ACSM6: variants seen among roughly 807,000 people sequenced by gnomAD.
The protein encoded by ACSM6 is acyl-CoA synthetase medium chain family member 6, also known as acyl-coenzyme A synthetase ACSM6, mitochondrial.
Under a neutral mutation model 51.1 loss-of-function variants are expected in ACSM6, and 35 were observed. The ratio of observed to expected loss-of-function variants is 0.69; its 90% CI spans 0.52 to 0.91. ACSM6 has a LOEUF of 0.91. ACSM6 is among the 40% of genes least tolerant of loss of function. The pLI is 0.00. For synonymous variants in ACSM6, 172 were observed against 207.3 expected (o/e 0.83, Z 1.46); for missense variants, 509 against 584.1 (o/e 0.87, Z 1.32).
intron 2 of ACSM6, among the ~76,000 whole-genome samples, chr10:95,198,138 A>G (rs1473494579): frequency 6.6e-6 from 1 of 152,202 alleles, no homozygotes; most frequent in East Asian, 1.9e-4. Flanking sequence ...TCTAAAGTAC[A>G]GGTCTTTTCC....
intron 2 of ACSM6, among the ~76,000 whole-genome samples, chr10:95,195,629 G>A (rs1003836761): frequency 1.3e-5 from 2 of 152,140 alleles, no homozygotes; most frequent in African/African-American, 2.4e-5. Context: ...CAGTGCGTGT[G>A]GAGAGTGAGC....
In ACSM6 at chr10:95,207,239, G is replaced by C. The variant is rs1004771107; in HGVS notation, c.435G>C (p.Leu145=). 3.1e-6 allele frequency: 5 copies of C among 1,613,990 alleles called. No individual in the cohort carries two copies. In the African/African-American group the frequency reaches 6.7e-5, roughly 22 times the overall value. ...CCTTTGTGCCTGGGAGCCCCCAGCTGACTGCCAAGAAAATTCGCTATCAAT... is the reference window on the plus strand; with the variant it reads ...CCTTTGTGCCTGGGAGCCCCCAGCTCACTGCCAAGAAAATTCGCTATCAAT... Residue 145 remains leucine, a synonymous_variant, in exon 4 of 11, where the codon CTG becomes CTC. Coordinates refer to ENST00000341686, the Ensembl canonical transcript of ACSM6.
intron 5 of ACSM6, among the ~76,000 whole-genome samples, chr10:95,211,023 A>C (rs1235093186): frequency 6.6e-6 from 1 of 152,200 alleles, no homozygotes; most frequent in Non-Finnish European, 1.5e-5. Flanking sequence ...GATTCCATGC[A>C]GTAGGTGAGG....
intron 9 of ACSM6, among the ~76,000 whole-genome samples, chr10:95,220,310 C>A (rs763568618): frequency 6.6e-6 from 1 of 152,118 alleles, no homozygotes; most frequent in South Asian, 2.1e-4. Flanking sequence ...CCATAATAAG[C>A]ATTCTGTACT....
intron 3 of ACSM6, among the ~76,000 whole-genome samples, chr10:95,203,857 T>TAAA (rs34969526): frequency 6.6e-5 from 7 of 106,854 alleles, no homozygotes; most frequent in East Asian, 2.6e-4. Context: ...ATGCTAGATT[T>TAAA]AAAAAAAAAA....
chr10:95,211,466 C>T (rs930219454), intron 5 of ACSM6, among the ~76,000 whole-genome samples: 2 of 152,200 alleles, frequency 1.3e-5, no homozygotes, highest in African/African-American at 4.8e-5. Flanking sequence ...GGTCCCTTAG[C>T]GGAAATAGGT....
At chr10:95,212,185 G>T in intron 6 of ACSM6, 151 bp downstream of exon 6, 1 of 944,792 alleles carries the variant, frequency 1.1e-6, no homozygotes. Flanking sequence ...GCTTGTGAGA[G>T]CAATGCTCTC....
intron 5 of ACSM6, among the ~76,000 whole-genome samples, 159 bp downstream of exon 5, chr10:95,210,952 A>G (rs1384740208): frequency 6.6e-6 from 1 of 152,218 alleles, no homozygotes. Flanking sequence ...AAAAGATGAA[A>G]AGCAAATTAC....
At position 95,205,273 on chromosome 10, in the gene ACSM6, G is replaced by T. The variant is rs139830175; in HGVS notation, c.404-1935G>T. 6.6e-3 allele frequency among the ~76,000 whole-genome samples: 1,002 copies of T among 151,960 alleles called. 7 individuals carry two copies. Among genetic ancestry groups the T allele is most frequent in the African/African-American group, 0.023 (958 of 41,420 alleles). On this transcript the variant is annotated intron_variant, in intron 3 of 10. Transcript: ENST00000341686. ...ATTTGAACACTGCCTTAGTCTGCTTGGGTTACTATAGCAAAATGCTATCAA... is the reference window on the plus strand; with the variant it reads ...ATTTGAACACTGCCTTAGTCTGCTTTGGTTACTATAGCAAAATGCTATCAA...
At chr10:95,207,295 C>T (rs753790114) in exon 4 of ACSM6, 1 of 1,614,150 alleles carries the variant, frequency 6.2e-7, no homozygotes, top group East Asian at 2.2e-5. Flanking sequence ...TGCATTGTGG[C>T]TAATGAAGCT....
At chr10:95,227,896 C>T (rs1490154869) in intron 10 of ACSM6, among the ~76,000 whole-genome samples, 1 of 152,024 alleles carries the variant, frequency 6.6e-6, no homozygotes, top group African/African-American at 2.4e-5. Context: ...GGCAAAACCC[C>T]ATCTCTACTA....
chr10:95,196,198 CTT>C (rs1211623808), intron 2 of ACSM6, among the ~76,000 whole-genome samples: 3 of 152,188 alleles, frequency 2.0e-5, no homozygotes, highest in East Asian at 3.9e-4. Context: ...TTGCTCAGCT[CTT>C]GATTAAGCAT....
intron 2 of ACSM6, among the ~76,000 whole-genome samples, chr10:95,195,371 T>G (rs926679073): frequency 2.6e-4 from 40 of 152,102 alleles, no homozygotes; most frequent in African/African-American, 9.2e-4. Context: ...AACAACCACA[T>G]GAATAGAGAC....
At chr10:95,208,372 A>G (rs1271577644) in intron 4 of ACSM6, among the ~76,000 whole-genome samples, 1 of 152,184 alleles carries the variant, frequency 6.6e-6, no homozygotes, top group Admixed American at 6.5e-5. Flanking sequence ...TAATGGGTAC[A>G]AGGTACACCA....
intron 8 of ACSM6, 33 bp from the exon 9 acceptor site, chr10:95,219,858 T>C (rs2034979791): frequency 6.4e-7 from 1 of 1,557,946 alleles, no homozygotes; most frequent in Non-Finnish European, 8.8e-7. Context: ...ATTGCTTTTT[T>C]AAAGAAAAAC....
intron 3 of ACSM6, among the ~76,000 whole-genome samples, chr10:95,204,561 AAATAAT>A (rs976405732): frequency 6.6e-6 from 1 of 152,072 alleles, no homozygotes; most frequent in African/African-American, 2.4e-5. Flanking sequence ...CTATTTAAAA[AAATAAT>A]AATAATAATA....
chr10:95,210,850 G>C, intron 5 of ACSM6, 57 bp downstream of exon 5: 6 of 1,557,984 alleles, frequency 3.9e-6, no homozygotes, highest in Non-Finnish European at 5.2e-6. Flanking sequence ...CAGGTAAAGG[G>C]AGCTTCATGG....
At chr10:95,228,072 T>C (rs2035058104) in intron 10 of ACSM6, among the ~76,000 whole-genome samples, 1 of 149,164 alleles carries the variant, frequency 6.7e-6, no homozygotes, top group South Asian at 2.1e-4. Flanking sequence ...ACTGTTTCAA[T>C]TAAAAAAAAA....
chr10:95,226,883 A>G (rs968722482), intron 10 of ACSM6, among the ~76,000 whole-genome samples: 1 of 151,742 alleles, frequency 6.6e-6, no homozygotes, highest in Non-Finnish European at 1.5e-5. Context: ...TTCTTTTTCT[A>G]TTTATTTGTC....
Sources: allele counts gnomAD v4.1 joint callset (sites outside exome capture counted in the v4.1 genomes callset), GRCh38; gene constraint gnomAD v4.1.1; transcripts MANE v1.5; gene names NCBI Gene and HGNC (gene_info 2026-07-23, HGNC 2026-07-21).